The following ELAVL1 variants were observed in gnomAD, a reference collection of about 807,000 sequenced individuals.
The protein encoded by ELAVL1 is ELAV like RNA binding protein 1, also known as ELAV-like protein 1.
In ELAVL1, 1 loss-of-function variant was observed where a neutral mutation model predicts 28.4. The ratio of observed to expected loss-of-function variants is 0.04; its 90% CI spans 0.01 to 0.17. The LOEUF is 0.17. Among genes scored for constraint, ELAVL1 ranks in the 10% least tolerant of loss-of-function variants. ELAVL1 has a pLI of 1.00. For synonymous variants in ELAVL1, 174 were observed against 183.5 expected (o/e 0.95, Z 0.42); for missense variants, 157 against 447.2 (o/e 0.35, Z 5.85).
At chr19:7,969,947 G>A (rs897064981) in intron 4 of ELAVL1, among the ~76,000 whole-genome samples, 1 of 151,716 alleles carries the variant, frequency 6.6e-6, no homozygotes. Context: ...TGCATTTTTT[G>A]TTTTTTTCTT....
Position 7,963,764 on chromosome 19 carries a change from C to A in ELAVL1, c.700G>T (p.Val234Phe). ...GAGGAGGCGTTTCCTGGCACGTTGA[C>A]GCCAGAGAGCCCGCTCATGTGATCG... ...GVDHMSGLSGVNVPGNASSGW... is the reference protein window; with the variant it reads ...GVDHMSGLSGFNVPGNASSGW... Residue 234 changes from valine to phenylalanine, a missense_variant, in exon 6 of 6, where the codon GTC (valine) becomes TTC (phenylalanine). Physicochemically the swap from Val to Phe is conservative, Grantham distance 50. Around this residue, in one of 4 missense-constraint regions of ELAVL1, gnomAD observed 107 missense variants for 310.4 expected, o/e 0.34. Coordinates refer to ENST00000407627, the MANE Select transcript of ELAVL1 (RefSeq NM_001419.3). This position sits in a 1 kb window ranked among gnomAD's most constrained non-coding sequence, Gnocchi z 4.5. 1.1e-5 allele frequency: 17 copies of A among 1,614,252 alleles called. No homozygotes were observed. The highest frequency in any genetic ancestry group is 1.4e-5 in the Non-Finnish European group (17 of 1,180,032).
intron 1 of ELAVL1, among the ~76,000 whole-genome samples, chr19:8,004,506 G>A (rs2081080149): frequency 6.6e-6 from 1 of 152,120 alleles, no homozygotes; most frequent in Non-Finnish European, 1.5e-5. Flanking sequence ...GGATACTGCT[G>A]GCATCTAGTG....
At chr19:7,971,929 G>T (rs909341431) in intron 4 of ELAVL1, among the ~76,000 whole-genome samples, 1 of 152,230 alleles carries the variant, frequency 6.6e-6, no homozygotes, top group Non-Finnish European at 1.5e-5. Context: ...CTAGCCTGCA[G>T]GCCAGGAAGG....
intron 3 of ELAVL1, among the ~76,000 whole-genome samples, chr19:7,980,410 G>A (rs577524666): frequency 6.6e-6 from 1 of 152,208 alleles, no homozygotes; most frequent in African/African-American, 2.4e-5. Flanking sequence ...GGGGACGGGG[G>A]TAAGTGGGGC....
intron 1 of ELAVL1, among the ~76,000 whole-genome samples, chr19:7,996,424 G>C (rs1167111891): frequency 6.6e-6 from 1 of 151,800 alleles, no homozygotes; most frequent in Non-Finnish European, 1.5e-5. Flanking sequence ...CTCGTGATCT[G>C]CCCATCTGCC....
Position 7,979,677 on chromosome 19 carries a change from G to A in ELAVL1, c.276+1406C>T, listed in dbSNP as rs1985399145. On this transcript the variant is annotated intron_variant, in intron 3 of 5. Coordinates refer to ENST00000407627, the MANE Select transcript of ELAVL1 (RefSeq NM_001419.3). The surrounding 1 kb of genome is among the most constrained non-coding windows in gnomAD (Gnocchi z 5.4). ...GCTGCCCTCACCAGCCCCCACCGGG[G>A]AAGGTGCCTCTGAGGACCTGCACTG... is the stretch of plus-strand genomic sequence containing the variant. Among the ~76,000 whole-genome samples the A allele has an allele frequency of 6.6e-6, 1 of 152,228 alleles. No individual in the cohort carries two copies. Among genetic ancestry groups the A allele is most frequent in the Non-Finnish European group, 1.5e-5 (1 of 68,036 alleles).
intron 3 of ELAVL1, among the ~76,000 whole-genome samples, chr19:7,975,082 G>A (rs1233728200): frequency 2.6e-5 from 4 of 152,098 alleles, no homozygotes; most frequent in Non-Finnish European, 4.4e-5. Flanking sequence ...TCCCAGGCCC[G>A]GGGCACCTCC....
At chr19:7,966,904 T>TC (rs1388516865) in intron 5 of ELAVL1, among the ~76,000 whole-genome samples, 2 of 152,020 alleles carry the variant, frequency 1.3e-5, no homozygotes, top group Admixed American at 6.6e-5. Context: ...AGGTGTGTGC[T>TC]CCCCCACACT....
chr19:7,982,501 C>T lies in ELAVL1; in HGVS notation c.173-1315G>A, dbSNP rs1985490694. Among the ~76,000 whole-genome samples the T allele has an allele frequency of 6.6e-6, 1 of 152,218 alleles. No homozygotes were observed. The highest frequency in any genetic ancestry group is 2.4e-5 in the African/African-American group (1 of 41,464). On this transcript the variant is annotated intron_variant, in intron 2 of 5. Coordinates refer to ENST00000407627, the MANE Select transcript of ELAVL1 (RefSeq NM_001419.3). This position sits in a 1 kb window ranked among gnomAD's most constrained non-coding sequence, Gnocchi z 4.3. ...TACAAATCCAGCAGAGAGCCTAACC[C>T]AGGTTTGCCACTTTCTTTTTAAAAT...
At position 7,982,861 on chromosome 19, in the gene ELAVL1, T is replaced by C. The variant is rs890601285; in HGVS notation, c.173-1675A>G. Reference sequence around the variant, plus strand: ...GGTCGGACATCCCGTAGACTCTCGATTGGGTTTGCTGGAGTCTGTCACAGC... The same window carrying C: ...GGTCGGACATCCCGTAGACTCTCGACTGGGTTTGCTGGAGTCTGTCACAGC... On this transcript the variant is annotated intron_variant, in intron 2 of 5. Transcript: ENST00000407627. The surrounding 1 kb of genome is among the most constrained non-coding windows in gnomAD (Gnocchi z 4.3). 2.6e-5 allele frequency among the ~76,000 whole-genome samples: 4 copies of C among 152,184 alleles called. No homozygotes were observed. The highest frequency in any genetic ancestry group is 1.9e-4 in the East Asian group (1 of 5,198).
chr19:7,975,985 C>T (rs1335211886), intron 3 of ELAVL1, among the ~76,000 whole-genome samples: 1 of 151,516 alleles, frequency 6.6e-6, no homozygotes, highest in Non-Finnish European at 1.5e-5. Flanking sequence ...CCCAGCTACT[C>T]GGGAGGCTGA....
chr19:7,978,115 A>G (rs1270704975), intron 3 of ELAVL1, among the ~76,000 whole-genome samples: 2 of 152,234 alleles, frequency 1.3e-5, no homozygotes, highest in African/African-American at 4.8e-5. Context: ...AGGATGGACC[A>G]TGGGCCAGTG....
At chr19:7,991,437 A>G (rs1985750211) in intron 2 of ELAVL1, among the ~76,000 whole-genome samples, 2 of 152,302 alleles carry the variant, frequency 1.3e-5, no homozygotes, top group South Asian at 2.1e-4. Flanking sequence ...CTGTCTTACA[A>G]TGAATTTTTC....
rs1331495194 is a variant in ELAVL1, at chr19:7,961,478, G to T, written c.*2005C>A. The stretch of plus-strand genomic sequence containing the variant: ...AGAAGATGCTGGCCCAGGGAAACCT[G>T]AAAGGCTTCTTTTTCCAGGAAAGCA... On this transcript the variant is annotated 3_prime_UTR_variant, in exon 6 of 6. Coordinates refer to ENST00000407627, the MANE Select transcript of ELAVL1 (RefSeq NM_001419.3). The T allele has an allele frequency of 1.3e-5, 2 of 152,224 alleles. No individual in the cohort carries two copies. Among genetic ancestry groups the T allele is most frequent in the African/African-American group, 4.8e-5 (2 of 41,446 alleles). The allele number at this position is 152,224 out of a possible 1,614,324, so 9.4% of individuals were successfully genotyped here.
At chr19:7,991,904 C>T in intron 1 of ELAVL1, 73 bp from the exon 2 acceptor site, 4 of 1,134,410 alleles carry the variant, frequency 3.5e-6, no homozygotes, top group Non-Finnish European at 4.8e-6. Flanking sequence ...CTAGTAACTG[C>T]ATTTGCACTT....
chr19:7,977,313 C>T (rs1320478067), intron 3 of ELAVL1, among the ~76,000 whole-genome samples: 3 of 152,226 alleles, frequency 2.0e-5, no homozygotes, highest in Non-Finnish European at 4.4e-5. Context: ...CGGTTTCACA[C>T]CCTGGCTTTG....
rs1217512258 is a variant in ELAVL1 at position 7,981,229 on chromosome 19, C to T, written c.173-43G>A. 6 of 1,600,534 alleles carry T rather than the reference C, an allele frequency of 3.7e-6. No homozygotes were observed. In the East Asian group the frequency reaches 6.7e-5, roughly 18 times the overall value. On this transcript the variant is annotated intron_variant, in intron 2 of 5. Transcript: ENST00000407627. The surrounding 1 kb of genome is among the most constrained non-coding windows in gnomAD (Gnocchi z 4.2). ...AAGACATTGGTAAGCCAACCGTCTGCGAGTGAGGGACAGGGAGGTCGGGAA... is the reference window on the plus strand; with the variant it reads ...AAGACATTGGTAAGCCAACCGTCTGTGAGTGAGGGACAGGGAGGTCGGGAA...
chr19:7,972,781 C>G (rs572013164), intron 4 of ELAVL1: 1 of 148,136 alleles, frequency 6.8e-6, no homozygotes, highest in African/African-American at 2.5e-5. Flanking sequence ...CCCGCGCCAC[C>G]GCACCTGGCT....
rs1348578153 is a variant in ELAVL1, at chr19:8,005,599, GCGGCGA to G, written c.-127_-122del. The G allele has an allele frequency of 1.3e-5, 2 of 149,354 alleles. No individual in the cohort carries two copies. Among genetic ancestry groups the G allele is most frequent in the Non-Finnish European group, 3.0e-5 (2 of 67,156 alleles). 9.3% of individuals were successfully genotyped at this position (149,354 alleles called of 1,614,324 possible). A position where few individuals can be genotyped will look rare whatever the true frequency, so the allele number is the denominator to read the frequency against. On this transcript the variant is annotated 5_prime_UTR_variant, in exon 1 of 6. Transcript: ENST00000407627. Reference sequence around the variant, plus strand: ...GGCCTCGGTAGCGGTGGCGGCGGTGGCGGCGACGGCGACGGCGGCAGCGGCTCCTCC... The same window carrying G: ...GGCCTCGGTAGCGGTGGCGGCGGTGGCGGCGACGGCGGCAGCGGCTCCTCC...
Sources: gnomAD v4.1 joint callset for allele counts (sites outside exome capture counted in the v4.1 genomes callset) on GRCh38, gnomAD v4.1.1 for gene constraint, gnomAD v4.1.1 regional missense constraint, Gnocchi (gnomAD v3.1) non-coding constraint, MANE v1.5 for transcripts, NCBI Gene and HGNC (gene_info 2026-07-23, HGNC 2026-07-21) for gene names.